Variants in BAZ2A observed in about 807,000 individuals in gnomAD.
BAZ2A encodes the protein bromodomain adjacent to zinc finger domain 2A.
Under a neutral mutation model 199.9 loss-of-function variants are expected in BAZ2A, and 34 were observed. That is an observed-to-expected ratio of 0.17 (90% CI 0.13 to 0.23). BAZ2A has a LOEUF of 0.23. Ranked by LOEUF, BAZ2A falls within the 10% of genes least tolerant of loss-of-function variation. The probability of loss-of-function intolerance (pLI) is 1.00; values close to 1 mark genes in which losing one functional copy is unlikely to be tolerated. For missense variants in BAZ2A, 2,002 were observed against 2,391.1 expected, an observed-to-expected ratio of 0.84 and a Z score of 3.39; for synonymous variants, 857 against 883.9, an observed-to-expected ratio of 0.97 and a Z score of 0.54.
chr12:56,604,124 C>T (rs1385037136), intron 16 of BAZ2A, 93 bp downstream of exon 16: 1 of 1,260,370 alleles, frequency 7.9e-7, no homozygotes, highest in Non-Finnish European at 1.1e-6. Context: ...AGGGAAGGGG[C>T]TAAAGCATCA....
upstream of BAZ2A, chr12:56,638,053 C>G: frequency 2.8e-6 from 1 of 357,306 alleles, no homozygotes; most frequent in East Asian, 5.2e-5. Flanking sequence ...TGGGAGATCT[C>G]GAGCCCAGGA....
chr12:56,627,270 C>T (rs1951125067), intron 1 of BAZ2A, among the ~76,000 whole-genome samples: 1 of 151,692 alleles, frequency 6.6e-6, no homozygotes. Context: ...AGTTCGAGAC[C>T]AGCCTGACCA....
intron 1 of BAZ2A, among the ~76,000 whole-genome samples, chr12:56,628,821 G>T (rs1423232975): frequency 1.3e-5 from 2 of 152,176 alleles, no homozygotes; most frequent in Non-Finnish European, 2.9e-5. Context: ...AAGCTCTCTA[G>T]TCTCCCTGAC....
At position 56,635,866 on chromosome 12, in the gene BAZ2A, C is replaced by T. The variant is rs1951436281; in HGVS notation, c.4+316G>A. Among the ~76,000 whole-genome samples the T allele has an allele frequency of 6.6e-6, 1 of 151,942 alleles. No homozygotes were observed. Among genetic ancestry groups the T allele is most frequent in the Non-Finnish European group, 1.5e-5 (1 of 67,990 alleles). ...TGTGGGGGCTAGCAGTGAGTACTGT[C>T]AAAATTTCCTTGAATCTCAACAGCT... is the stretch of plus-strand genomic sequence containing the variant. On this transcript the variant is annotated intron_variant, in intron 1 of 29. Transcript: ENST00000379441. The surrounding 1 kb of genome is among the most constrained non-coding windows in gnomAD (Gnocchi z 4.1).
At chr12:56,608,865 GGCTTT>G (rs1314020657) in intron 10 of BAZ2A, among the ~76,000 whole-genome samples, 16 of 140,316 alleles carry the variant, frequency 1.1e-4, no homozygotes, top group African/African-American at 4.2e-4. Context: ...CACCGTGCCT[GGCTTT>G]TTTTTTTTTT....
rs146292432 is a variant in BAZ2A at position 56,617,164 on chromosome 12, CCAGGGGAA to C, written c.136+223_136+230del. Among the ~76,000 whole-genome samples the C allele has an allele frequency of 7.9e-3, 1,207 of 152,254 alleles. 10 individuals carry two copies. The highest frequency in any genetic ancestry group is 0.013 in the Non-Finnish European group (906 of 68,014). The stretch of plus-strand genomic sequence containing the variant: ...AGCCACTTCACTGCTCTGTCAGCAG[CCAGGGGAA>C]CAGGGCTGACAGAAGAACAGGCTAA... On this transcript the variant is annotated intron_variant, in intron 2 of 28. Coordinates refer to ENST00000549884, the MANE Select transcript of BAZ2A (RefSeq NM_001300905.2).
intron 1 of BAZ2A, chr12:56,621,029 T>A: frequency 1.0e-6 from 1 of 977,074 alleles, no homozygotes; most frequent in Non-Finnish European, 1.2e-6. Flanking sequence ...AGGAGGACAC[T>A]CTTCACTTCA....
rs1950753666 is a variant in BAZ2A, at chr12:56,617,266, A to G, written c.136+129T>C. The stretch of plus-strand genomic sequence containing the variant: ...ATCAATACAAAAAATGTTTCCAAAA[A>G]ACCCTAGAACTTGTTCTTAGAAGTT... On this transcript the variant is annotated intron_variant, in intron 2 of 28. Transcript: ENST00000549884. 3 of 1,136,230 alleles carry G rather than the reference A, an allele frequency of 2.6e-6. No homozygotes were observed. The African/African-American group carries it at 4.9e-5, about 18-fold the overall frequency. The allele number at this position is 1,136,230 out of a possible 1,614,324, so 70.4% of individuals were successfully genotyped here.
At chr12:56,612,821 C>T (rs1302799615) in intron 5 of BAZ2A, among the ~76,000 whole-genome samples, 194 bp downstream of exon 5, 2 of 152,146 alleles carry the variant, frequency 1.3e-5, no homozygotes, top group Non-Finnish European at 2.9e-5. Context: ...CGGGGTTTCA[C>T]CATGTTGGCC....
intron 1 of BAZ2A, among the ~76,000 whole-genome samples, chr12:56,622,643 A>G (rs953193300): frequency 2.0e-5 from 3 of 152,212 alleles, no homozygotes; most frequent in Non-Finnish European, 2.9e-5. Context: ...AGCAAAGGAG[A>G]GCATCTCCCT....
At chr12:56,611,673 A>G (rs1264690166) in intron 6 of BAZ2A, 40 bp from the exon 7 acceptor site, 1 of 1,571,428 alleles carries the variant, frequency 6.4e-7, no homozygotes, top group Non-Finnish European at 8.6e-7. Flanking sequence ...GTTCAAGCAA[A>G]ATATTTAAAC....
chr12:56,600,872 G>A lies in BAZ2A; in HGVS notation c.4451-40C>T, dbSNP rs958407961. ...GGCAGAGGGAGAGGCCCATCAGGCT[G>A]TTGTCCCTAGCAGCAGCTCAATGCT... On this transcript the variant is annotated intron_variant, in intron 22 of 28. Coordinates refer to ENST00000549884, the MANE Select transcript of BAZ2A (RefSeq NM_001300905.2). 2.5e-6 allele frequency: 4 copies of A among 1,611,570 alleles called. No homozygotes were observed. In the Admixed American group the frequency reaches 5.0e-5, roughly 20 times the overall value.
rs548313314 is a variant in BAZ2A, at chr12:56,635,643, G to C, written c.4+539C>G. Among the ~76,000 whole-genome samples, 1 of 152,160 alleles carries C rather than the reference G, an allele frequency of 6.6e-6. No individual in the cohort carries two copies. Among genetic ancestry groups the C allele is most frequent in the Non-Finnish European group, 1.5e-5 (1 of 68,024 alleles). On this transcript the variant is annotated intron_variant, in intron 1 of 29. Transcript: ENST00000379441. The surrounding 1 kb of genome is among the most constrained non-coding windows in gnomAD (Gnocchi z 4.1). ...TGTGGGACCATGAGAATCGACTTTG[G>C]TTCAGTTTTCCCCCAACCACCACCA...
At chr12:56,622,683 A>G (rs1364797837) in intron 1 of BAZ2A, among the ~76,000 whole-genome samples, 1 of 152,078 alleles carries the variant, frequency 6.6e-6, no homozygotes, top group Non-Finnish European at 1.5e-5. Context: ...ACCAAATGAG[A>G]AAAGAAATCA....
upstream of BAZ2A, among the ~76,000 whole-genome samples, chr12:56,631,219 G>A (rs558498605): frequency 4.6e-5 from 7 of 152,166 alleles, no homozygotes; most frequent in Admixed American, 2.0e-4. Flanking sequence ...TTGGGAGGCC[G>A]AGGCAGGTGG....
intron 4 of BAZ2A, 71 bp from the exon 5 acceptor site, chr12:56,613,304 C>A: frequency 6.8e-7 from 1 of 1,470,200 alleles, no homozygotes; most frequent in South Asian, 1.2e-5. Context: ...TTAAGAAACA[C>A]TGGTCAGAAA....
rs1457635179 is a variant in BAZ2A at position 56,599,799 on chromosome 12, C to A, written c.5075G>T (p.Cys1692Phe). Residue 1692 changes from cysteine (C) to phenylalanine (F), a missense_variant, in exon 26 of 29, where the codon TGT becomes TTT. Coordinates refer to ENST00000549884, the MANE Select transcript of BAZ2A (RefSeq NM_001300905.2). ...KGDNDEFLLL[C>F]DGCDRGCHIY... ...GTGGCAGCCACGGTCACACCCATCA[C>A]AAAGCAGAAGAAACTCATCATTGTC... The A allele has an allele frequency of 6.2e-7, 1 of 1,614,010 alleles. No homozygotes were observed. The highest frequency in any genetic ancestry group is 1.6e-4 in the Middle Eastern group (1 of 6,062).
At chr12:56,604,328 CA>C in intron 15 of BAZ2A, 37 bp from the exon 16 acceptor site, 13 of 1,566,850 alleles carry the variant, frequency 8.3e-6, no homozygotes, top group East Asian at 2.3e-5. Flanking sequence ...AGTGGCAGCA[CA>C]AAAAAAGGGA....
Position 56,635,395 on chromosome 12 carries a change from CA to C in BAZ2A, c.4+786del, listed in dbSNP as rs978437009. ...GCCTAGGGGTGCAGGAGAGGGAACT[CA>C]AGGCCGAGCCTGCTGGGGGTCACGC... On this transcript the variant is annotated intron_variant, in intron 1 of 29. Transcript: ENST00000379441. This position sits in a 1 kb window ranked among gnomAD's most constrained non-coding sequence, Gnocchi z 4.1. 2.6e-5 allele frequency among the ~76,000 whole-genome samples: 4 copies of C among 152,068 alleles called. No individual in the cohort carries two copies. Among genetic ancestry groups the C allele is most frequent in the African/African-American group, 7.2e-5 (3 of 41,394 alleles).
Sources: allele counts gnomAD v4.1 joint callset (sites outside exome capture counted in the v4.1 genomes callset), GRCh38; gene constraint gnomAD v4.1.1; non-coding constraint Gnocchi (gnomAD v3.1); transcripts MANE v1.5; gene names NCBI Gene and HGNC (gene_info 2026-07-23, HGNC 2026-07-21).